LONRF1: variants seen among roughly 807,000 people sequenced by gnomAD.
The protein encoded by LONRF1 is LON peptidase N-terminal domain and ring finger 1.
In LONRF1, 37 loss-of-function variants were observed where a neutral mutation model predicts 85.8. That is an observed-to-expected ratio of 0.43 (90% CI 0.33 to 0.57). The LOEUF is 0.57. Among genes scored for constraint, LONRF1 ranks in the 20% least tolerant of loss-of-function variants. The pLI, the probability that LONRF1 is intolerant of heterozygous loss-of-function variation, is 0.04. For synonymous variants in LONRF1, 517 were observed against 390.1 expected (o/e 1.33, Z -3.83); for missense variants, 1,036 against 978.0 (o/e 1.06, Z -0.79).
chr8:12,737,939 T>TAC, intron 4 of LONRF1, 56 bp downstream of exon 4: 1 of 1,535,084 alleles, frequency 6.5e-7, no homozygotes, highest in Non-Finnish European at 8.7e-7. Context: ...GTGAAGCTCT[T>TAC]AACTCGTAAA....
At position 12,736,811 on chromosome 8, in the gene LONRF1, G is replaced by T. The variant is rs769851313; in HGVS notation, c.1355-14C>A. 1.3e-6 allele frequency: 2 copies of T among 1,592,660 alleles called. No homozygotes were observed. Among genetic ancestry groups the T allele is most frequent in the Non-Finnish European group, 1.7e-6 (2 of 1,170,490 alleles). ...CATTGGGAGTTTCTATTAAAACAAAGACATGGGGTTTTCTTCCTTAGGAAA... is the reference window on the plus strand; with the variant it reads ...CATTGGGAGTTTCTATTAAAACAAATACATGGGGTTTTCTTCCTTAGGAAA... On this transcript the variant is annotated splice_polypyrimidine_tract_variant and intron_variant, in intron 5 of 11. Transcript: ENST00000398246.
At chr8:12,742,318 T>C (rs2117302766) in intron 2 of LONRF1, among the ~76,000 whole-genome samples, 1 of 152,320 alleles carries the variant, frequency 6.6e-6, no homozygotes, top group African/African-American at 2.4e-5. Context: ...AAAGAGTAAC[T>C]TATATCTTAA....
Position 12,723,136 on chromosome 8 carries a change from T to C in LONRF1, c.2282A>G (p.Gln761Arg), listed in dbSNP as rs757839259. 17 of 1,614,036 alleles carry C rather than the reference T, an allele frequency of 1.1e-5. No homozygotes were observed. The highest frequency in any genetic ancestry group is 1.3e-5 in the Non-Finnish European group (15 of 1,180,000). Residue 761 changes from glutamine to arginine, a missense_variant, in exon 12 of 12, where the codon CAG (glutamine) becomes CGG (arginine). By Grantham distance (43) the Gln-to-Arg change is conservative. Transcript: ENST00000398246. ...KSLKERLTKI[Q>R]HILTYFSRDQ... ...TCTAGAAAAATAGGTCAGTATATGC[T>C]GTATCTTGGTCAACCGTTCTTTCAA...
chr8:12,734,410 T>C (rs1188791786), intron 7 of LONRF1, among the ~76,000 whole-genome samples: 1 of 152,220 alleles, frequency 6.6e-6, no homozygotes, highest in African/African-American at 2.4e-5. Flanking sequence ...ATTTGGAAGA[T>C]ACTTTTTTTT....
chr8:12,745,342 A>C (rs928515228), intron 1 of LONRF1, among the ~76,000 whole-genome samples: 1 of 108,682 alleles, frequency 9.2e-6, no homozygotes, highest in African/African-American at 2.9e-5. Flanking sequence ...AAAAAAAAAA[A>C]AAACCAACCC....
chr8:12,737,388 A>G, intron 4 of LONRF1: 1 of 656,726 alleles, frequency 1.5e-6, no homozygotes, highest in South Asian at 1.5e-5. Flanking sequence ...TCTAAAAAAA[A>G]GCCTGAACAT....
intron 2 of LONRF1, among the ~76,000 whole-genome samples, chr8:12,741,584 T>C (rs1324327028): frequency 6.6e-6 from 1 of 152,092 alleles, no homozygotes; most frequent in Non-Finnish European, 1.5e-5. Flanking sequence ...TTTAAGGAAA[T>C]TACTGATTTA....
intron 6 of LONRF1, chr8:12,735,696 A>G: frequency 3.8e-6 from 1 of 259,992 alleles, no homozygotes; most frequent in East Asian, 7.3e-5. Context: ...TGTGGCTAGT[A>G]CAAGCTGATA....
At chr8:12,750,050 T>C (rs895775731) in intron 1 of LONRF1, among the ~76,000 whole-genome samples, 2 of 152,232 alleles carry the variant, frequency 1.3e-5, no homozygotes, top group Non-Finnish European at 1.5e-5. Context: ...GTGTTTTGAA[T>C]CAATATGCAC....
chr8:12,752,679 C>T (rs1173907587), intron 1 of LONRF1, among the ~76,000 whole-genome samples: 1 of 152,148 alleles, frequency 6.6e-6, no homozygotes, highest in Non-Finnish European at 1.5e-5. Context: ...GATCCAAGAA[C>T]CAGAATCTCT....
chr8:12,745,685 G>C (rs1003399060), intron 1 of LONRF1, among the ~76,000 whole-genome samples: 1 of 152,170 alleles, frequency 6.6e-6, no homozygotes, highest in African/African-American at 2.4e-5. Flanking sequence ...CCCAGCAAGT[G>C]CCTGGCATAT....
At chr8:12,754,045 C>T (rs1282630560) in intron 1 of LONRF1, 2 of 152,268 alleles carry the variant, frequency 1.3e-5, no homozygotes, top group Admixed American at 1.3e-4. Context: ...CCGCCCCAAG[C>T]CCCAAGCCCG....
At chr8:12,749,795 A>G (rs1260135867) in intron 1 of LONRF1, among the ~76,000 whole-genome samples, 1 of 152,178 alleles carries the variant, frequency 6.6e-6, no homozygotes, top group Non-Finnish European at 1.5e-5. Flanking sequence ...TTAGAGATAT[A>G]GTCTCGGTTA....
At chr8:12,730,989 AG>A (rs1798507192) in intron 8 of LONRF1, among the ~76,000 whole-genome samples, 1 of 152,230 alleles carries the variant, frequency 6.6e-6, no homozygotes, top group Admixed American at 6.5e-5. Context: ...AGAGAGTAAA[AG>A]AAATAAAGAA....
chr8:12,750,342 A>C (rs1308747938), intron 1 of LONRF1, among the ~76,000 whole-genome samples: 2 of 152,244 alleles, frequency 1.3e-5, no homozygotes, highest in East Asian at 3.8e-4. Flanking sequence ...CAAGGGGGAT[A>C]CGTTCCAAGA....
chr8:12,738,044 T>C lies in LONRF1; in HGVS notation c.1064A>G (p.His355Arg), dbSNP rs1352571712. Reference sequence around the variant, plus strand: ...AGACTGAGACTCTTCCATCACTGAATGAAAATCAAAAGGTCTGTTTTTAGT... The same window carrying C: ...AGACTGAGACTCTTCCATCACTGAACGAAAATCAAAAGGTCTGTTTTTAGT... ...PCTKNRPFDFHSVMEESQSLN... is the reference protein window; with the variant it reads ...PCTKNRPFDFRSVMEESQSLN... Residue 355 changes from histidine (H) to arginine (R), a missense_variant, in exon 4 of 12, where the codon CAT becomes CGT. By Grantham distance (29) the His-to-Arg change is conservative. Transcript: ENST00000398246. 1 of 1,610,808 alleles carries C rather than the reference T, an allele frequency of 6.2e-7. No individual in the cohort carries two copies. Among genetic ancestry groups the C allele is most frequent in the Non-Finnish European group, 8.5e-7 (1 of 1,178,604 alleles).
rs1554458927 is a variant in LONRF1, at chr8:12,723,095, G to C, written c.*1C>G. The C allele has an allele frequency of 6.2e-7, 1 of 1,608,250 alleles. No individual in the cohort carries two copies. Among genetic ancestry groups the C allele is most frequent in the Non-Finnish European group, 8.5e-7 (1 of 1,177,286 alleles). Reference sequence around the variant, plus strand: ...CTTTAAAGGGAGATCCAAAGAGTTAGTTACTTAGATTGGTCTCTAGAAAAA... The same window carrying C: ...CTTTAAAGGGAGATCCAAAGAGTTACTTACTTAGATTGGTCTCTAGAAAAA... On this transcript the variant is annotated 3_prime_UTR_variant, in exon 12 of 12. Transcript: ENST00000398246.
intron 1 of LONRF1, among the ~76,000 whole-genome samples, chr8:12,744,679 G>A (rs1469791502): frequency 6.6e-6 from 1 of 152,220 alleles, no homozygotes; most frequent in South Asian, 2.1e-4. Context: ...ACAGAGCAGC[G>A]TATGGCAAAA....
intron 10 of LONRF1, 87 bp from the exon 11 acceptor site, chr8:12,725,966 CAGA>C (rs1456911606): frequency 1.6e-6 from 2 of 1,252,068 alleles, no homozygotes; most frequent in Non-Finnish European, 1.1e-6. Context: ...AAAAAGGGAT[CAGA>C]AGAACAGGGC....
Sources: allele counts gnomAD v4.1 joint callset (sites outside exome capture counted in the v4.1 genomes callset), GRCh38; gene constraint gnomAD v4.1.1; transcripts MANE v1.5; gene names NCBI Gene and HGNC (gene_info 2026-07-23, HGNC 2026-07-21).